Variants in NETO2 observed in about 807,000 individuals in gnomAD.
NETO2 encodes the protein neuropilin and tolloid like 2, also known as neuropilin and tolloid-like protein 2.
A neutral mutation model predicts 62.5 loss-of-function variants in NETO2; 28 were observed. The ratio of observed to expected loss-of-function variants is 0.45; its 90% CI spans 0.33 to 0.61. NETO2 has a LOEUF of 0.61. Ranked by LOEUF, NETO2 falls within the 20% of genes least tolerant of loss-of-function variation. NETO2 has a pLI of 0.02. For synonymous variants in NETO2, 214 were observed against 219.1 expected, an observed-to-expected ratio of 0.98 and a Z score of 0.21; for missense variants, 548 against 643.2, an observed-to-expected ratio of 0.85 and a Z score of 1.60.
In NETO2 at chr16:47,081,425, T is replaced by A. The variant is rs903920273; in HGVS notation, c.*1796A>T. ...ATATTTTTAAAACAAGAAACTAGGC[T>A]GACTTAAAAAAATTTAAATCATGAA... is the stretch of plus-strand genomic sequence containing the variant. On this transcript the variant is annotated 3_prime_UTR_variant, in exon 9 of 9. Coordinates refer to ENST00000562435, the MANE Select transcript of NETO2 (RefSeq NM_018092.5). 4 of 152,426 alleles carry A rather than the reference T, an allele frequency of 2.6e-5. No homozygotes were observed. Among genetic ancestry groups the A allele is most frequent in the Non-Finnish European group, 4.4e-5 (3 of 67,970 alleles). The allele number at this position is 152,426 out of a possible 1,614,324, so 9.4% of individuals were successfully genotyped here.
chr16:47,092,557 C>G (rs1183090159), intron 7 of NETO2, among the ~76,000 whole-genome samples: 1 of 152,148 alleles, frequency 6.6e-6, no homozygotes, highest in Non-Finnish European at 1.5e-5. Context: ...CTGGCGGACA[C>G]TGGACTGGAC....
At chr16:47,108,295 A>T (rs1963715756) in intron 7 of NETO2, among the ~76,000 whole-genome samples, 1 of 152,222 alleles carries the variant, frequency 6.6e-6, no homozygotes, top group African/African-American at 2.4e-5. Context: ...CCAACAATGG[A>T]TGCTAAAATT....
intron 6 of NETO2, among the ~76,000 whole-genome samples, chr16:47,112,835 G>A (rs1963828330): frequency 6.6e-6 from 1 of 152,000 alleles, no homozygotes; most frequent in South Asian, 2.1e-4. Context: ...ATCTTTTCAA[G>A]GAATATTTCA....
rs887866642 is a variant in NETO2 at position 47,139,356 on chromosome 16, T to TC, written c.34+4222dup. 5.3e-5 allele frequency among the ~76,000 whole-genome samples: 8 copies of TC among 152,024 alleles called. No individual in the cohort carries two copies. The East Asian group carries it at 7.7e-4, about 15-fold the overall frequency. On this transcript the variant is annotated intron_variant, in intron 1 of 8. Coordinates refer to ENST00000562435, the MANE Select transcript of NETO2 (RefSeq NM_018092.5). ...CAGGGGATGGGAAAAGAACTGAGAT[T>TC]CCCCCCCACCCTCCTGAGATACCCT...
At chr16:47,084,478 C>T (rs760503164) in intron 8 of NETO2, among the ~76,000 whole-genome samples, 1 of 152,176 alleles carries the variant, frequency 6.6e-6, no homozygotes, top group Non-Finnish European at 1.5e-5. Flanking sequence ...TCGCATTACC[C>T]GCAGCACTGC....
At chr16:47,094,717 C>T (rs183006038) in intron 7 of NETO2, among the ~76,000 whole-genome samples, 78 of 146,896 alleles carry the variant, frequency 5.3e-4, no homozygotes, top group Middle Eastern at 4.5e-3. Flanking sequence ...TGAGCCACCG[C>T]GCCTGGCCAT....
intron 7 of NETO2, among the ~76,000 whole-genome samples, chr16:47,097,937 A>C (rs1963462828): frequency 6.6e-6 from 1 of 152,232 alleles, no homozygotes. Flanking sequence ...GAGGGGCCTG[A>C]CTGTTAGAAG....
At chr16:47,132,311 A>C (rs569946404) in intron 1 of NETO2, among the ~76,000 whole-genome samples, 9 of 152,246 alleles carry the variant, frequency 5.9e-5, no homozygotes, top group East Asian at 1.9e-4. Context: ...AAAAAAAAAA[A>C]AACACTTGTT....
At chr16:47,133,409 T>G (rs1007678887) in intron 1 of NETO2, among the ~76,000 whole-genome samples, 2 of 149,056 alleles carry the variant, frequency 1.3e-5, no homozygotes, top group African/African-American at 2.5e-5. Flanking sequence ...AAAAAAAAAA[T>G]TAGCCAGGCA....
At chr16:47,136,175 AAT>A (rs1964358880) in intron 1 of NETO2, among the ~76,000 whole-genome samples, 1 of 152,208 alleles carries the variant, frequency 6.6e-6, no homozygotes, top group Non-Finnish European at 1.5e-5. Flanking sequence ...AAATAAAAAC[AAT>A]ATATGATATA....
intron 7 of NETO2, among the ~76,000 whole-genome samples, chr16:47,106,388 A>C (rs1300031288): frequency 6.6e-6 from 1 of 152,176 alleles, no homozygotes; most frequent in Non-Finnish European, 1.5e-5. Context: ...TGATGGTTGC[A>C]CAACAATGTG....
intron 7 of NETO2, among the ~76,000 whole-genome samples, chr16:47,099,808 A>G (rs554002217): frequency 6.6e-6 from 1 of 152,372 alleles, no homozygotes; most frequent in Non-Finnish European, 1.5e-5. Context: ...AGATTCATAA[A>G]GCAAGTTCTT....
At chr16:47,106,188 G>GTT (rs1963669951) in intron 7 of NETO2, among the ~76,000 whole-genome samples, 1 of 152,138 alleles carries the variant, frequency 6.6e-6, no homozygotes, top group Non-Finnish European at 1.5e-5. Context: ...ATTATGCTAA[G>GTT]TGAAATAAGC....
intron 7 of NETO2, among the ~76,000 whole-genome samples, chr16:47,094,908 G>A (rs535316995): frequency 2.0e-5 from 3 of 152,186 alleles, no homozygotes; most frequent in South Asian, 2.1e-4. Flanking sequence ...GTTTCACCAT[G>A]TTGGCTAGGC....
rs1196605102 is a variant in NETO2, at chr16:47,082,432, G to A, written c.*789C>T. On this transcript the variant is annotated 3_prime_UTR_variant, in exon 9 of 9. Transcript: ENST00000562435. ...GTGACTATACTTGGTAAACTTCAAA[G>A]GCTTGCTAGAAATTTTTATCTTTTT... The A allele has an allele frequency of 7.9e-5, 12 of 152,184 alleles. No individual in the cohort carries two copies. The highest frequency in any genetic ancestry group is 2.9e-4 in the African/African-American group (12 of 41,456). 9.4% of individuals were successfully genotyped at this position (152,184 alleles called of 1,614,324 possible).
intron 7 of NETO2, among the ~76,000 whole-genome samples, chr16:47,088,785 A>C (rs990802965): frequency 3.9e-5 from 6 of 152,328 alleles, no homozygotes; most frequent in Admixed American, 1.3e-4. Flanking sequence ...ATTGCAGTAC[A>C]TTATCAGTAA....
chr16:47,094,005 A>C (rs184058055), intron 7 of NETO2, among the ~76,000 whole-genome samples: 20 of 152,334 alleles, frequency 1.3e-4, no homozygotes, highest in Admixed American at 3.3e-4. Flanking sequence ...GTGAACATAC[A>C]AACTCAACTA....
chr16:47,134,226 C>T (rs190230557), intron 1 of NETO2, among the ~76,000 whole-genome samples: 40 of 152,086 alleles, frequency 2.6e-4, no homozygotes, highest in Non-Finnish European at 5.0e-4. Flanking sequence ...TTATTCAGTT[C>T]GTATCTTAAA....
chr16:47,111,096 C>T (rs1292109263), intron 6 of NETO2, among the ~76,000 whole-genome samples: 1 of 152,192 alleles, frequency 6.6e-6, no homozygotes, highest in Non-Finnish European at 1.5e-5. Flanking sequence ...TCCGCTCACA[C>T]TCTGGTAGCG....
Sources: gnomAD v4.1 joint callset for allele counts (sites outside exome capture counted in the v4.1 genomes callset) on GRCh38, gnomAD v4.1.1 for gene constraint, MANE v1.5 for transcripts, NCBI Gene and HGNC (gene_info 2026-07-23, HGNC 2026-07-21) for gene names.